DIP2B: variants seen among roughly 807,000 people sequenced by gnomAD.
DIP2B encodes the protein disco-interacting protein 2 homolog B.
Under a neutral mutation model 198.0 loss-of-function variants are expected in DIP2B, and 76 were observed. The observed-to-expected ratio is 0.38, with a 90% CI of 0.32 to 0.46. The LOEUF is 0.46. Among genes scored for constraint, DIP2B ranks in the 20% least tolerant of loss-of-function variants. DIP2B has a pLI of 0.99. For synonymous variants in DIP2B, 701 were observed against 739.1 expected, an observed-to-expected ratio of 0.95 and a Z score of 0.84; for missense variants, 1,559 against 1,978.4, an observed-to-expected ratio of 0.79 and a Z score of 4.02.
intron 8 of DIP2B, 63 bp from the exon 9 acceptor site, chr12:50,680,609 T>G: frequency 1.4e-6 from 2 of 1,460,084 alleles, no homozygotes; most frequent in South Asian, 2.4e-5. Flanking sequence ...TGAATGTTCT[T>G]TCATTGAGGT....
At chr12:50,740,793 A>G (rs1291012000) in intron 36 of DIP2B, among the ~76,000 whole-genome samples, 1 of 152,164 alleles carries the variant, frequency 6.6e-6, no homozygotes, top group Non-Finnish European at 1.5e-5. Flanking sequence ...TGTGTATTCC[A>G]TGAAGCTACC....
chr12:50,578,994 T>C (rs752853170), intron 1 of DIP2B, among the ~76,000 whole-genome samples: 25 of 152,192 alleles, frequency 1.6e-4, no homozygotes, highest in Non-Finnish European at 3.5e-4. Context: ...ATCAAGGTAG[T>C]GGCAACCTAG....
intron 37 of DIP2B, chr12:50,743,701 T>C (rs1265041575): frequency 6.6e-6 from 1 of 152,230 alleles, no homozygotes; most frequent in Non-Finnish European, 1.5e-5. Flanking sequence ...AAGAATATTT[T>C]ATTAGTCAAA....
At chr12:50,635,920 G>C (rs184287195) in intron 2 of DIP2B, among the ~76,000 whole-genome samples, 2 of 152,230 alleles carry the variant, frequency 1.3e-5, no homozygotes, top group Admixed American at 1.3e-4. Flanking sequence ...AGACAGACAA[G>C]ATCTTAATTA....
intron 1 of DIP2B, among the ~76,000 whole-genome samples, chr12:50,606,554 A>C (rs1401440792): frequency 3.3e-5 from 5 of 152,098 alleles, no homozygotes; most frequent in South Asian, 4.1e-4. Context: ...TGGGTGTGCA[A>C]ATTTTTCTCA....
rs868351729 is a variant in DIP2B at position 50,683,142 on chromosome 12, C to T, written c.1211C>T (p.Ala404Val). ...EPVLKPGDRVALVYPNNDPVM... is the reference protein window; with the variant it reads ...EPVLKPGDRVVLVYPNNDPVM... The stretch of plus-strand genomic sequence containing the variant: ...GAATATCATTATGAATTTTAGGTAG[C>T]CCTGGTTTACCCCAACAATGATCCA... The change falls in exon 10 of 38, where the codon GCC becomes GTC. Residue 404 changes from alanine to valine, a missense_variant. Ala to Val is a moderately conservative substitution (Grantham distance 64, BLOSUM62 0). Transcript: ENST00000301180. 3 of 1,603,766 alleles carry T rather than the reference C, an allele frequency of 1.9e-6. No homozygotes were observed. Among genetic ancestry groups the T allele is most frequent in the Non-Finnish European group, 2.5e-6 (3 of 1,177,086 alleles).
intron 12 of DIP2B, among the ~76,000 whole-genome samples, chr12:50,690,364 G>T (rs1008628890): frequency 3.9e-5 from 6 of 152,228 alleles, no homozygotes; most frequent in African/African-American, 1.2e-4. Context: ...GGGATTACAG[G>T]CGTGAGCCAC....
chr12:50,638,857 G>T lies in DIP2B; in HGVS notation c.173-1867G>T, dbSNP rs1190044265. Reference sequence around the variant, plus strand: ...ATCTGAAATGCTTGGGACTAGAAGTGTTTCAGATTTTTTTTTTTTGGAATA... The same window carrying T: ...ATCTGAAATGCTTGGGACTAGAAGTTTTTCAGATTTTTTTTTTTTGGAATA... On this transcript the variant is annotated intron_variant, in intron 2 of 37. Transcript: ENST00000301180. 4.2e-5 allele frequency among the ~76,000 whole-genome samples: 3 copies of T among 70,608 alleles called. No individual in the cohort carries two copies. In the Admixed American group the frequency reaches 6.3e-4, roughly 15 times the overall value. 46.3% of individuals were successfully genotyped at this position (70,608 alleles called of 152,430 possible).
Position 50,674,600 on chromosome 12 carries a change from A to G in DIP2B, c.767A>G (p.Asn256Ser). ...GTTAAAGGCATGCACAAAGGATCCA[A>G]CAGGTCCAGCCTTATGGATACAGCT... ...GIVKGMHKGS[N>S]RSSLMDTADG... is the part of the protein sequence containing the mutation. The change falls in exon 6 of 38, where the codon AAC becomes AGC. Residue 256 changes from asparagine (N) to serine (S), a missense_variant. By Grantham distance (46) the Asn-to-Ser change is conservative. Transcript: ENST00000301180. 6.2e-7 allele frequency: 1 copy of G among 1,614,188 alleles called. No individual in the cohort carries two copies. Among genetic ancestry groups the G allele is most frequent in the Non-Finnish European group, 8.5e-7 (1 of 1,180,028 alleles).
At chr12:50,680,942 C>A (rs1170152198) in intron 9 of DIP2B, among the ~76,000 whole-genome samples, 179 bp downstream of exon 9, 1 of 152,168 alleles carries the variant, frequency 6.6e-6, no homozygotes. Context: ...ACAATTCTCA[C>A]ATTCCTGGGT....
chr12:50,695,247 CTTCT>C lies in DIP2B; in HGVS notation c.1720-13_1720-10del, dbSNP rs577543141. ...TATGTATTTTGTATTGATTACTTTT[CTTCT>C]TTCTTTGTTTTTCAGAATGTAATGA... On this transcript the variant is annotated splice_polypyrimidine_tract_variant and intron_variant, in intron 14 of 37. Coordinates refer to ENST00000301180, the MANE Select transcript of DIP2B (RefSeq NM_173602.3). The C allele has an allele frequency of 5.1e-5, 81 of 1,600,858 alleles. 1 individual carries two copies. Among genetic ancestry groups the C allele is most frequent in the South Asian group, 3.0e-4 (27 of 89,450 alleles).
chr12:50,687,788 G>T (rs1939156878), intron 12 of DIP2B, among the ~76,000 whole-genome samples: 1 of 151,886 alleles, frequency 6.6e-6, no homozygotes, highest in South Asian at 2.1e-4. Context: ...TGCATGCGGG[G>T]CTTAAAACCT....
intron 35 of DIP2B, among the ~76,000 whole-genome samples, chr12:50,738,772 G>A (rs1001578582): frequency 6.6e-6 from 1 of 152,096 alleles, no homozygotes; most frequent in African/African-American, 2.4e-5. Context: ...GAGCCACCAC[G>A]CCCAGCCTAT....
rs569798501 is a variant in DIP2B at position 50,722,129 on chromosome 12, T to C, written c.3166+733T>C. 2.0e-5 allele frequency among the ~76,000 whole-genome samples: 3 copies of C among 152,282 alleles called. No individual in the cohort carries two copies. In the East Asian group the frequency reaches 5.8e-4, roughly 29 times the overall value. ...TGGTGTAAAGATTCAAAATTCTGGG[T>C]GAAATATTGGAGTTTTCCCTTCATT... On this transcript the variant is annotated intron_variant, in intron 26 of 37. Coordinates refer to ENST00000301180, the MANE Select transcript of DIP2B (RefSeq NM_173602.3).
intron 4 of DIP2B, among the ~76,000 whole-genome samples, chr12:50,670,224 A>G (rs879522943): frequency 3.4e-5 from 5 of 145,072 alleles, no homozygotes; most frequent in Admixed American, 2.2e-4. Flanking sequence ...ATTTCTCACA[A>G]TTCTTCTCCA....
At chr12:50,675,211 G>T in intron 6 of DIP2B, 118 bp from the exon 7 acceptor site, 1 of 1,294,304 alleles carries the variant, frequency 7.7e-7, no homozygotes, top group African/African-American at 1.5e-5. Context: ...CCACTTGAAA[G>T]AGAAGGAAAC....
Position 50,714,379 on chromosome 12 carries a change from G to C in DIP2B, c.2650-16G>C. On this transcript the variant is annotated splice_polypyrimidine_tract_variant and intron_variant, in intron 22 of 37. Transcript: ENST00000301180. ...AGAAGTGATCTCACTGAGTATTTTT[G>C]TTTGTATTTTTCTAGGCGATCGATA... The C allele has an allele frequency of 6.2e-7, 1 of 1,613,940 alleles. No individual in the cohort carries two copies. The highest frequency in any genetic ancestry group is 8.5e-7 in the Non-Finnish European group (1 of 1,179,894).
intron 1 of DIP2B, among the ~76,000 whole-genome samples, chr12:50,573,603 A>G (rs1450237191): frequency 6.6e-6 from 1 of 152,230 alleles, no homozygotes; most frequent in East Asian, 1.9e-4. Context: ...TGTAGCACTA[A>G]TCACTTGAGG....
intron 10 of DIP2B, 136 bp downstream of exon 10, chr12:50,683,384 G>A (rs1020718634): frequency 1.6e-5 from 10 of 622,716 alleles, no homozygotes; most frequent in Non-Finnish European, 2.5e-5. Flanking sequence ...CTAAAAACAG[G>A]AAATTTGTAG....
Sources: gnomAD v4.1 joint callset for allele counts (sites outside exome capture counted in the v4.1 genomes callset) on GRCh38, gnomAD v4.1.1 for gene constraint, MANE v1.5 for transcripts, NCBI Gene and HGNC (gene_info 2026-07-23, HGNC 2026-07-21) for gene names.